MDGA2: variants seen among roughly 807,000 people sequenced by gnomAD.
MDGA2 encodes MAM domain-containing glycosylphosphatidylinositol anchor protein 2.
Under a neutral mutation model 117.8 loss-of-function variants are expected in MDGA2, and 40 were observed. The ratio of observed to expected loss-of-function variants is 0.34; its 90% confidence interval spans 0.26 to 0.44. The LOEUF is 0.44. Ranked by LOEUF, MDGA2 falls within the 20% of genes least tolerant of loss-of-function variation. The pLI, the probability that MDGA2 is intolerant of heterozygous loss-of-function variation, is 1.00. For synonymous variants in MDGA2, 452 were observed against 439.0 expected (o/e 1.03, Z -0.37); for missense variants, 1,123 against 1,250.6 (o/e 0.90, Z 1.54).
chr14:46,947,068 C>T (rs918885142), intron 9 of MDGA2, among the ~76,000 whole-genome samples: 1 of 152,038 alleles, frequency 6.6e-6, no homozygotes, highest in Non-Finnish European at 1.5e-5. Flanking sequence ...CCATTCTTTT[C>T]CCTCAGATCC....
intron 2 of MDGA2, among the ~76,000 whole-genome samples, chr14:47,291,604 T>C (rs1010033975): frequency 6.6e-6 from 1 of 152,198 alleles, no homozygotes; most frequent in African/African-American, 2.4e-5. Flanking sequence ...AGCCCACAGT[T>C]AGGCAAAATC....
At chr14:46,944,164 G>C (rs1566538182) in intron 9 of MDGA2, among the ~76,000 whole-genome samples, 1 of 151,752 alleles carries the variant, frequency 6.6e-6, no homozygotes, top group African/African-American at 2.4e-5. Flanking sequence ...CAGTTTCACA[G>C]ACTACCAATT....
At chr14:46,987,533 C>G (rs1886905995) in intron 8 of MDGA2, among the ~76,000 whole-genome samples, 1 of 152,022 alleles carries the variant, frequency 6.6e-6, no homozygotes, top group African/African-American at 2.4e-5. Context: ...CAGATGCAGC[C>G]ACGCGTCACT....
chr14:47,219,159 G>C (rs1375291912), intron 2 of MDGA2, among the ~76,000 whole-genome samples: 1 of 151,970 alleles, frequency 6.6e-6, no homozygotes, highest in African/African-American at 2.4e-5. Context: ...CATATGCTGT[G>C]ACATGGAAAA....
chr14:46,886,139 A>G (rs888344053), intron 10 of MDGA2, among the ~76,000 whole-genome samples: 14 of 152,158 alleles, frequency 9.2e-5, no homozygotes, highest in African/African-American at 3.4e-4. Flanking sequence ...GAAAATGCAA[A>G]TTGGTATAAG....
chr14:47,164,178 A>G (rs1248910625), intron 3 of MDGA2, among the ~76,000 whole-genome samples: 1 of 152,184 alleles, frequency 6.6e-6, no homozygotes, highest in Non-Finnish European at 1.5e-5. Flanking sequence ...ATCAATAGAT[A>G]TAGCTATAAA....
intron 1 of MDGA2, among the ~76,000 whole-genome samples, chr14:47,423,433 T>C (rs1221715885): frequency 6.6e-6 from 1 of 152,194 alleles, no homozygotes; most frequent in Non-Finnish European, 1.5e-5. Context: ...TCACCTAATT[T>C]AATCATCAGA....
intron 5 of MDGA2, among the ~76,000 whole-genome samples, chr14:47,099,180 A>G (rs8181965): frequency 0.059 from 8,924 of 152,026 alleles, 776 homozygotes; most frequent in East Asian, 0.47. Flanking sequence ...ATATTTGTAT[A>G]TATTTTAATA....
chr14:46,990,893 CACACACA>C (rs1887068198), intron 8 of MDGA2, among the ~76,000 whole-genome samples: 2 of 146,460 alleles, frequency 1.4e-5, no homozygotes, highest in Admixed American at 6.8e-5. Flanking sequence ...CACACACACA[CACACACA>C]CCCCGCGTAA....
chr14:46,981,442 A>C (rs1287970049), intron 8 of MDGA2, among the ~76,000 whole-genome samples: 2 of 152,106 alleles, frequency 1.3e-5, no homozygotes, highest in Non-Finnish European at 2.9e-5. Context: ...ATAAAATATA[A>C]ATTTATGCTT....
At chr14:47,448,531 G>C (rs931500651) in intron 1 of MDGA2, among the ~76,000 whole-genome samples, 3 of 152,128 alleles carry the variant, frequency 2.0e-5, no homozygotes, top group African/African-American at 7.2e-5. Context: ...CTGAGATTTA[G>C]TAATGAGGTT....
At chr14:46,854,224 TATA>T (rs1268197793) in intron 15 of MDGA2, among the ~76,000 whole-genome samples, 2 of 151,802 alleles carry the variant, frequency 1.3e-5, no homozygotes, top group Non-Finnish European at 3.0e-5. Context: ...ATGCTATAAA[TATA>T]ATGTCATGAA....
At chr14:47,192,022 T>G (rs1382428803) in intron 3 of MDGA2, among the ~76,000 whole-genome samples, 1 of 152,116 alleles carries the variant, frequency 6.6e-6, no homozygotes, top group Admixed American at 6.5e-5. Flanking sequence ...AGCCAAGCAA[T>G]TAATGAAGCC....
chr14:47,608,625 G>C (rs1896783955), intron 1 of MDGA2, among the ~76,000 whole-genome samples: 1 of 152,106 alleles, frequency 6.6e-6, no homozygotes, highest in South Asian at 2.1e-4. Flanking sequence ...TGATCATATA[G>C]AACTGCTATG....
chr14:47,524,165 G>A (rs900643347), intron 1 of MDGA2, among the ~76,000 whole-genome samples: 16 of 152,062 alleles, frequency 1.1e-4, no homozygotes, highest in African/African-American at 2.4e-4. Context: ...AAACTACAAC[G>A]TAAGCCAACC....
Position 46,877,522 on chromosome 14 carries a change from C to A in MDGA2, c.2417-13G>T. ...GGATTTACAGGAGCTACAAGAAAAG[C>A]AAAAGAAACAAACAAACAAAAAAAC... On this transcript the variant is annotated splice_polypyrimidine_tract_variant and intron_variant, in intron 11 of 16. Transcript: ENST00000399232. 6.6e-7 allele frequency: 1 copy of A among 1,514,230 alleles called. No individual in the cohort carries two copies. The highest frequency in any genetic ancestry group is 9.0e-7 in the Non-Finnish European group (1 of 1,107,722). 93.8% of individuals were successfully genotyped at this position (1,514,230 alleles called of 1,614,324 possible). A position where few individuals can be genotyped will look rare whatever the true frequency, so the allele number is the denominator to read the frequency against.
chr14:47,173,211 T>A (rs886669698), intron 3 of MDGA2, among the ~76,000 whole-genome samples: 1 of 152,182 alleles, frequency 6.6e-6, no homozygotes, highest in Non-Finnish European at 1.5e-5. Flanking sequence ...TGGAACCAAG[T>A]TGGAAAACAC....
At chr14:47,034,942 A>C in intron 8 of MDGA2, 69 bp downstream of exon 8, 1 of 1,387,142 alleles carries the variant, frequency 7.2e-7, no homozygotes, top group Non-Finnish European at 9.9e-7. Context: ...CCTCATATTA[A>C]TAGTAGAATA....
At chr14:47,277,712 G>C (rs1373457925) in intron 2 of MDGA2, among the ~76,000 whole-genome samples, 1 of 152,102 alleles carries the variant, frequency 6.6e-6, no homozygotes, top group African/African-American at 2.4e-5. Flanking sequence ...CAAAATGATA[G>C]GGCTAAGAAA....
Sources: gnomAD v4.1 joint callset for allele counts (sites outside exome capture counted in the v4.1 genomes callset) on GRCh38, gnomAD v4.1.1 for gene constraint, MANE v1.5 for transcripts, NCBI Gene and HGNC (gene_info 2026-07-23, HGNC 2026-07-21) for gene names.